The following MYO3A variants were observed in gnomAD, a reference collection of about 807,000 sequenced individuals.
The protein encoded by MYO3A is myosin-IIIa.
MYO3A carries 180 observed loss-of-function variants against 192.7 expected under a neutral mutation model. The ratio of observed to expected loss-of-function variants is 0.93; its 90% CI spans 0.83 to 1.06. MYO3A has a LOEUF of 1.06. Ranked by LOEUF, MYO3A falls within the 50% of genes least tolerant of loss-of-function variation. The probability of loss-of-function intolerance (pLI) is 0.00; values close to 1 mark genes in which losing one functional copy is unlikely to be tolerated. For synonymous variants in MYO3A, 628 were observed against 645.3 expected, an observed-to-expected ratio of 0.97 and a Z score of 0.41; for missense variants, 1,896 against 1,905.0, an observed-to-expected ratio of 1.00 and a Z score of 0.09.
chr10:26,179,536 T>G (rs953823107), intron 31 of MYO3A, among the ~76,000 whole-genome samples: 1 of 152,214 alleles, frequency 6.6e-6, no homozygotes, highest in Non-Finnish European at 1.5e-5. Context: ...TATTGTAAAA[T>G]TGGTCATTTC....
intron 6 of MYO3A, among the ~76,000 whole-genome samples, chr10:26,005,072 A>G (rs1841098414): frequency 6.6e-6 from 1 of 152,224 alleles, no homozygotes; most frequent in Non-Finnish European, 1.5e-5. Flanking sequence ...ATACTAATTA[A>G]TTACAAAAGA....
chr10:26,026,628 G>A, intron 10 of MYO3A, 96 bp downstream of exon 10: 1 of 1,416,792 alleles, frequency 7.1e-7, no homozygotes, highest in Non-Finnish European at 9.8e-7. Flanking sequence ...ATAAAATTTG[G>A]AGGTAATGGG....
intron 17 of MYO3A, among the ~76,000 whole-genome samples, chr10:26,108,299 C>A (rs1318640274): frequency 6.6e-6 from 1 of 152,180 alleles, no homozygotes; most frequent in Non-Finnish European, 1.5e-5. Context: ...ATAAATGACA[C>A]TCCTGCAGCT....
chr10:26,088,542 A>G (rs1055871270), intron 15 of MYO3A, 137 bp downstream of exon 15: 2 of 824,982 alleles, frequency 2.4e-6, no homozygotes, highest in African/African-American at 3.4e-5. Flanking sequence ...TTGAGAATGA[A>G]GAGATCCATC....
At chr10:26,181,389 A>C (rs2132080885) in intron 31 of MYO3A, among the ~76,000 whole-genome samples, 1 of 152,326 alleles carries the variant, frequency 6.6e-6, no homozygotes, top group Admixed American at 6.5e-5. Context: ...TGAATGTTAA[A>C]ACCTTCTAGA....
Position 26,096,365 on chromosome 10 carries a change from A to G in MYO3A, c.1563-16A>G. On this transcript the variant is annotated splice_polypyrimidine_tract_variant and intron_variant, in intron 15 of 34. Coordinates refer to ENST00000642920, the MANE Select transcript of MYO3A (RefSeq NM_017433.5). ...GTTCTTACTAACTACCTTACTGTAA[A>G]TATCTTTTTTTCCAGTGGAGAAAAA... 1 of 1,543,352 alleles carries G rather than the reference A, an allele frequency of 6.5e-7. No homozygotes were observed. The highest frequency in any genetic ancestry group is 8.9e-7 in the Non-Finnish European group (1 of 1,118,182).
At chr10:26,188,323 A>C (rs577694456) in intron 31 of MYO3A, among the ~76,000 whole-genome samples, 34 of 152,200 alleles carry the variant, frequency 2.2e-4, no homozygotes, top group African/African-American at 8.2e-4. Context: ...TCCTTCGCCC[A>C]CTTTTTGATG....
intron 17 of MYO3A, among the ~76,000 whole-genome samples, chr10:26,097,658 T>A (rs555610713): frequency 6.6e-6 from 1 of 152,128 alleles, no homozygotes; most frequent in African/African-American, 2.4e-5. Context: ...GTCCTTGTGA[T>A]AGTTTGCTGA....
chr10:26,019,425 A>AT (rs1268271009), intron 7 of MYO3A, among the ~76,000 whole-genome samples: 1 of 151,774 alleles, frequency 6.6e-6, no homozygotes, highest in Admixed American at 6.6e-5. Flanking sequence ...CGCCTGGCTA[A>AT]TTTTTTATAT....
At chr10:26,096,721 C>T (rs201102410) in intron 17 of MYO3A, 39 bp downstream of exon 17, 1 of 1,342,096 alleles carries the variant, frequency 7.5e-7, no homozygotes, top group East Asian at 2.3e-5. Flanking sequence ...TAGAAAGTAT[C>T]TTTTTATCAT....
chr10:26,001,343 G>T (rs1190063691), intron 6 of MYO3A, among the ~76,000 whole-genome samples: 1 of 152,134 alleles, frequency 6.6e-6, no homozygotes, highest in East Asian at 1.9e-4. Context: ...TGATAATCTG[G>T]CTGGAAAGTT....
chr10:26,056,752 A>G (rs1189607275), intron 10 of MYO3A, among the ~76,000 whole-genome samples: 1 of 152,172 alleles, frequency 6.6e-6, no homozygotes, highest in Non-Finnish European at 1.5e-5. Context: ...TATTTATCTC[A>G]TTGACAGATA....
At chr10:26,099,593 C>T (rs1837300478) in intron 17 of MYO3A, among the ~76,000 whole-genome samples, 1 of 152,070 alleles carries the variant, frequency 6.6e-6, no homozygotes, top group Non-Finnish European at 1.5e-5. Context: ...CCATCAATAC[C>T]TAGTTTATTG....
chr10:26,134,818 A>T (rs1839753649), intron 20 of MYO3A, among the ~76,000 whole-genome samples: 2 of 152,170 alleles, frequency 1.3e-5, no homozygotes, highest in South Asian at 4.1e-4. Context: ...TAGAATAAGC[A>T]ACTTCTTCTC....
intron 22 of MYO3A, among the ~76,000 whole-genome samples, chr10:26,146,423 A>G (rs1380430926): frequency 6.6e-6 from 1 of 152,198 alleles, no homozygotes; most frequent in Non-Finnish European, 1.5e-5. Flanking sequence ...TGACTTAAAC[A>G]ACAGAAATTT....
intron 4 of MYO3A, among the ~76,000 whole-genome samples, chr10:25,983,087 AATAG>A (rs200739358): frequency 0.016 from 2,467 of 152,164 alleles, 77 homozygotes; most frequent in African/African-American, 0.056. Flanking sequence ...TGAAATATTA[AATAG>A]ATAGCATAAA....
At chr10:25,938,769 G>A (rs1836282728) in intron 2 of MYO3A, among the ~76,000 whole-genome samples, 2 of 152,250 alleles carry the variant, frequency 1.3e-5, no homozygotes, top group Admixed American at 6.5e-5. Flanking sequence ...TATCAATGAG[G>A]CAATTTATAT....
chr10:25,971,599 G>C (rs1295979020), intron 4 of MYO3A, among the ~76,000 whole-genome samples: 1 of 152,100 alleles, frequency 6.6e-6, no homozygotes, highest in Non-Finnish European at 1.5e-5. Context: ...TTATTTTTGA[G>C]AGAGTTTTGC....
Position 26,090,005 on chromosome 10 carries a change from G to A in MYO3A, c.1562+1600G>A, listed in dbSNP as rs185287815. The stretch of plus-strand genomic sequence containing the variant: ...GATACTATTTATTGATGTCTGTCCA[G>A]TGCCCAAAACTCAGTGGACATGTGT... On this transcript the variant is annotated intron_variant, in intron 15 of 34. Transcript: ENST00000642920. 3.3e-5 allele frequency among the ~76,000 whole-genome samples: 5 copies of A among 152,332 alleles called. No homozygotes were observed. In the East Asian group the frequency reaches 9.6e-4, roughly 29 times the overall value.
Sources: gnomAD v4.1 joint callset for allele counts (sites outside exome capture counted in the v4.1 genomes callset) on GRCh38, gnomAD v4.1.1 for gene constraint, MANE v1.5 for transcripts, NCBI Gene and HGNC (gene_info 2026-07-23, HGNC 2026-07-21) for gene names.